The following GBE1 variants were observed in gnomAD, a reference collection of about 807,000 sequenced individuals.
GBE1 encodes the protein 1,4-alpha-glucan branching enzyme 1.
A neutral mutation model predicts 88.8 loss-of-function variants in GBE1; 70 were observed. That is an observed-to-expected ratio of 0.79 (90% CI 0.65 to 0.96). The LOEUF (loss-of-function observed/expected upper bound fraction) is 0.96. Among genes scored for constraint, GBE1 ranks in the 40% least tolerant of loss-of-function variants. The pLI, the probability that GBE1 is intolerant of heterozygous loss-of-function variation, is 0.00. For synonymous variants in GBE1, 284 were observed against 300.1 expected (o/e 0.95, Z 0.56); for missense variants, 872 against 871.0 (o/e 1.00, Z -0.01).
chr3:81,507,341 G>A (rs1702668223), intron 14 of GBE1, among the ~76,000 whole-genome samples: 1 of 152,150 alleles, frequency 6.6e-6, no homozygotes, highest in Admixed American at 6.5e-5. Flanking sequence ...GAGGCGGGCA[G>A]ATCACGAGGT....
intron 14 of GBE1, among the ~76,000 whole-genome samples, chr3:81,501,646 C>A (rs890369430): frequency 7.3e-6 from 1 of 137,374 alleles, no homozygotes; most frequent in Admixed American, 7.7e-5. Context: ...TTTAAGGTTG[C>A]AAAACTAAAA....
intron 3 of GBE1, among the ~76,000 whole-genome samples, chr3:81,667,023 C>T (rs546895324): frequency 2.2e-4 from 33 of 152,284 alleles, no homozygotes; most frequent in African/African-American, 7.5e-4. Flanking sequence ...TTTGTACCTT[C>T]TGATTGTTAT....
chr3:81,718,965 A>AC (rs1302426838), intron 1 of GBE1, among the ~76,000 whole-genome samples: 2 of 151,998 alleles, frequency 1.3e-5, no homozygotes, highest in Non-Finnish European at 2.9e-5. Flanking sequence ...TTTACAGTTT[A>AC]CCAGCTGACT....
At chr3:81,563,476 G>A (rs777589118) in intron 12 of GBE1, among the ~76,000 whole-genome samples, 28 of 151,988 alleles carry the variant, frequency 1.8e-4, no homozygotes, top group Non-Finnish European at 3.7e-4. Context: ...TGGGTCTTTG[G>A]GATCAAATCG....
chr3:81,712,415 T>C (rs1362234832), intron 1 of GBE1, among the ~76,000 whole-genome samples: 7 of 152,134 alleles, frequency 4.6e-5, no homozygotes, highest in African/African-American at 1.7e-4. Flanking sequence ...CCATCAGTGA[T>C]AGACTGGATT....
At chr3:81,703,999 T>C (rs908663274) in intron 2 of GBE1, among the ~76,000 whole-genome samples, 25 of 152,064 alleles carry the variant, frequency 1.6e-4, no homozygotes, top group African/African-American at 5.8e-4. Context: ...AAGTTCCCCA[T>C]TGACACCGAA....
intron 5 of GBE1, among the ~76,000 whole-genome samples, chr3:81,646,802 C>T (rs929008600): frequency 6.6e-6 from 1 of 152,064 alleles, no homozygotes; most frequent in African/African-American, 2.4e-5. Flanking sequence ...GTTACACTTG[C>T]AATATTCATA....
intron 1 of GBE1, among the ~76,000 whole-genome samples, chr3:81,722,053 T>C (rs1706042482): frequency 6.6e-6 from 1 of 152,212 alleles, no homozygotes; most frequent in Non-Finnish European, 1.5e-5. Flanking sequence ...ATCATCATCA[T>C]TGTAATAACT....
chr3:81,540,379 T>G (rs1275189358), intron 12 of GBE1, among the ~76,000 whole-genome samples: 1 of 152,044 alleles, frequency 6.6e-6, no homozygotes. Flanking sequence ...TTAGACAACA[T>G]GATGCCCATG....
Position 81,490,449 on chromosome 3 carries a change from G to A in GBE1, c.2067C>T (p.Ser689=), listed in dbSNP as rs1173853844. Reference sequence around the variant, plus strand: ...CATTCTGAAGGATGAGGGCCACTCTGCTTGGAATGTACACCTACGTCAAAA... The same window carrying A: ...CATTCTGAAGGATGAGGGCCACTCTACTTGGAATGTACACCTACGTCAAAA... ...RPYSLLVYIP[S]RVALILQNVD... is the part of the protein sequence containing the mutation. Residue 689 remains serine (S), a synonymous_variant, in exon 16 of 16, where the codon AGC becomes AGT. Coordinates refer to ENST00000429644, the MANE Select transcript of GBE1 (RefSeq NM_000158.4). The A allele has an allele frequency of 1.9e-6, 3 of 1,612,600 alleles. No individual in the cohort carries two copies. The highest frequency in any genetic ancestry group is 1.3e-5 in the African/African-American group (1 of 74,828).
intron 2 of GBE1, among the ~76,000 whole-genome samples, chr3:81,688,766 T>C (rs1705477840): frequency 6.6e-6 from 1 of 151,778 alleles, no homozygotes; most frequent in African/African-American, 2.4e-5. Context: ...ATGAATGACA[T>C]GAATGTATTT....
At chr3:81,595,824 G>A (rs1338475144) in intron 7 of GBE1, among the ~76,000 whole-genome samples, 1 of 151,868 alleles carries the variant, frequency 6.6e-6, no homozygotes, top group Non-Finnish European at 1.5e-5. Context: ...AGACACATTT[G>A]GGAATAACTA....
At chr3:81,673,049 G>C (rs1256508082) in intron 2 of GBE1, among the ~76,000 whole-genome samples, 2 of 151,836 alleles carry the variant, frequency 1.3e-5, no homozygotes, top group African/African-American at 4.8e-5. Flanking sequence ...AGCTCTACAA[G>C]TTTGGTGCTG....
intron 2 of GBE1, among the ~76,000 whole-genome samples, chr3:81,680,257 G>A (rs1705319071): frequency 6.6e-6 from 1 of 152,176 alleles, no homozygotes; most frequent in South Asian, 2.1e-4. Context: ...GCTTTGGGAG[G>A]CCGAGGCGGG....
Position 81,581,227 on chromosome 3 carries a change from A to T in GBE1, c.1384T>A (p.Tyr462Asn), listed in dbSNP as rs1193227932. 2 of 1,606,544 alleles carry T rather than the reference A, an allele frequency of 1.2e-6. No individual in the cohort carries two copies. The change falls in exon 11 of 16, where the codon TAC becomes AAC. Residue 462 changes from tyrosine to asparagine, a missense_variant. By Grantham distance (143) the Tyr-to-Asn change is moderately radical. Coordinates refer to ENST00000429644, the MANE Select transcript of GBE1 (RefSeq NM_000158.4). The part of the protein sequence containing the change: ...DEDWNMGDIV[Y>N]TLTNRRYLEK... The stretch of plus-strand genomic sequence containing the variant: ...AGGTAGCGCCTGTTTGTGAGCGTGT[A>T]TACTATATCGCCCATGTTCCAGTCT...
At chr3:81,640,940 G>A (rs942637244) in intron 7 of GBE1, among the ~76,000 whole-genome samples, 8 of 151,966 alleles carry the variant, frequency 5.3e-5, no homozygotes, top group African/African-American at 9.7e-5. Flanking sequence ...AAAAGAAGCC[G>A]AGTATTAAAT....
At chr3:81,566,490 G>C (rs1383560155) in intron 12 of GBE1, among the ~76,000 whole-genome samples, 1 of 151,874 alleles carries the variant, frequency 6.6e-6, no homozygotes, top group African/African-American at 2.4e-5. Context: ...ATCAACACTA[G>C]CCCTCTAGGA....
At chr3:81,750,137 A>C (rs778567005) in intron 1 of GBE1, among the ~76,000 whole-genome samples, 1 of 152,192 alleles carries the variant, frequency 6.6e-6, no homozygotes, top group Non-Finnish European at 1.5e-5. Context: ...GAAGACTCCA[A>C]GGTGTAGGCA....
At chr3:81,564,583 T>A (rs1351144754) in intron 12 of GBE1, among the ~76,000 whole-genome samples, 1 of 152,086 alleles carries the variant, frequency 6.6e-6, no homozygotes, top group African/African-American at 2.4e-5. Context: ...GTTTGGTAAA[T>A]GTGGGTGGGT....
Sources: allele counts gnomAD v4.1 joint callset (sites outside exome capture counted in the v4.1 genomes callset), GRCh38; gene constraint gnomAD v4.1.1; transcripts MANE v1.5; gene names NCBI Gene and HGNC (gene_info 2026-07-23, HGNC 2026-07-21).